DAB1: variants seen among roughly 807,000 people sequenced by gnomAD.
DAB1 encodes disabled homolog 1.
Under a neutral mutation model 64.6 loss-of-function variants are expected in DAB1, and 15 were observed. The ratio of observed to expected loss-of-function variants is 0.23; its 90% confidence interval spans 0.16 to 0.36. The LOEUF is 0.36. Among genes scored for constraint, DAB1 ranks in the 10% least tolerant of loss-of-function variants. DAB1 has a pLI of 1.00. For synonymous variants in DAB1, 235 were observed against 251.9 expected (o/e 0.93, Z 0.64); for missense variants, 596 against 706.7 (o/e 0.84, Z 1.78).
In DAB1 at chr1:57,180,897, G is replaced by C. The variant is rs546004729; in HGVS notation, c.68-35468C>G. 3.3e-5 allele frequency among the ~76,000 whole-genome samples: 5 copies of C among 152,238 alleles called. No homozygotes were observed. The South Asian group carries it at 1.0e-3, about 32-fold the overall frequency. ...GTAACCTTTCTTTTGCTCTTTCATTGGCATGGTCATAGCACTTGGTGCATT... is the reference window on the plus strand; with the variant it reads ...GTAACCTTTCTTTTGCTCTTTCATTCGCATGGTCATAGCACTTGGTGCATT... On this transcript the variant is annotated intron_variant, in intron 2 of 14. Coordinates refer to ENST00000371236, the MANE Select transcript of DAB1 (RefSeq NM_001365792.1).
intron 5 of DAB1, among the ~76,000 whole-genome samples, chr1:58,070,692 G>A (rs1183572337): frequency 6.6e-6 from 1 of 152,216 alleles, no homozygotes; most frequent in Non-Finnish European, 1.5e-5. Context: ...CATGCGAGGA[G>A]TGGCTAGACT....
At chr1:58,189,994 T>C (rs1657299558) in intron 4 of DAB1, among the ~76,000 whole-genome samples, 1 of 152,216 alleles carries the variant, frequency 6.6e-6, no homozygotes, top group African/African-American at 2.4e-5. Flanking sequence ...CTGATACTTC[T>C]TGGGACTTTA....
At chr1:58,489,952 C>A (rs1250034700) in intron 3 of DAB1, among the ~76,000 whole-genome samples, 2 of 152,132 alleles carry the variant, frequency 1.3e-5, no homozygotes, top group African/African-American at 4.8e-5. Flanking sequence ...ACGTCACCAT[C>A]ATCAAAGACC....
chr1:57,843,935 C>A (rs1447071831), intron 1 of DAB1, among the ~76,000 whole-genome samples: 1 of 152,150 alleles, frequency 6.6e-6, no homozygotes, highest in East Asian at 1.9e-4. Context: ...CAGGTTTGAC[C>A]CATTCTGGAA....
At chr1:57,793,000 TG>T (rs1290362691) in intron 6 of DAB1, among the ~76,000 whole-genome samples, 1 of 152,226 alleles carries the variant, frequency 6.6e-6, no homozygotes, top group Admixed American at 6.5e-5. Flanking sequence ...TCTTTTCCTT[TG>T]ATAGACGAAG....
At chr1:57,989,589 C>T (rs993928090) in intron 5 of DAB1, among the ~76,000 whole-genome samples, 7 of 152,136 alleles carry the variant, frequency 4.6e-5, no homozygotes, top group South Asian at 2.1e-4. Context: ...ACACTAGTGA[C>T]GTATATGAAT....
rs141066668 is a variant in DAB1, at chr1:57,524,749, G to A, written n.625+124843C>T. On this transcript the variant is annotated intron_variant and non_coding_transcript_variant, in intron 7 of 20. Transcript: ENST00000485760. ...CAATGGTGGAATGTCATCAGTTAAG[G>A]TTATTTTTACTTCTTTTGTGGATCT... Among the ~76,000 whole-genome samples the A allele has an allele frequency of 1.3e-3, 204 of 152,250 alleles. 1 individual carries two copies. The highest frequency in any genetic ancestry group is 6.8e-3 in the Middle Eastern group (2 of 294).
intron 5 of DAB1, chr1:58,049,334 G>A (rs1647467450): frequency 2.5e-5 from 16 of 634,816 alleles, no homozygotes; most frequent in Non-Finnish European, 4.3e-5. Context: ...TTCTTCGGCG[G>A]CATCCACGGG....
At chr1:58,134,077 T>A (rs945606241) in intron 5 of DAB1, among the ~76,000 whole-genome samples, 2 of 152,202 alleles carry the variant, frequency 1.3e-5, no homozygotes, top group African/African-American at 4.8e-5. Context: ...TCCTTAGTTA[T>A]CAAATAAAGT....
chr1:57,193,837 C>T (rs1283808059), intron 2 of DAB1, among the ~76,000 whole-genome samples: 1 of 141,174 alleles, frequency 7.1e-6, no homozygotes. Context: ...TCACTTAAGC[C>T]AGACTCTGGT....
intron 5 of DAB1, among the ~76,000 whole-genome samples, chr1:57,906,483 T>A (rs1644553248): frequency 6.6e-6 from 1 of 152,034 alleles, no homozygotes; most frequent in Non-Finnish European, 1.5e-5. Context: ...CTCTCTGAGA[T>A]GAAGGTGTGT....
intron 2 of DAB1, among the ~76,000 whole-genome samples, chr1:57,207,888 G>C (rs1013775103): frequency 6.6e-6 from 1 of 152,150 alleles, no homozygotes; most frequent in Non-Finnish European, 1.5e-5. Context: ...TTCAAAACAA[G>C]TTGATGGCTG....
Position 58,164,785 on chromosome 1 carries a change from C to T in DAB1, n.310-14197G>A, listed in dbSNP as rs192141296. 1.4e-4 allele frequency among the ~76,000 whole-genome samples: 21 copies of T among 152,202 alleles called. No individual in the cohort carries two copies. In the Middle Eastern group the frequency reaches 0.01, roughly 74 times the overall value. ...GAGTCCTCAATAATAAGCTATCCCA[C>T]CCTTTATTAAATGCAAGAATCCCCT... On this transcript the variant is annotated intron_variant and non_coding_transcript_variant, in intron 4 of 20. Transcript: ENST00000485760.
At chr1:58,127,693 C>T (rs1254740231) in intron 5 of DAB1, among the ~76,000 whole-genome samples, 3 of 152,104 alleles carry the variant, frequency 2.0e-5, no homozygotes, top group African/African-American at 7.2e-5. Context: ...GCCAGTTTTC[C>T]CAGCACCATT....
intron 1 of DAB1, among the ~76,000 whole-genome samples, chr1:57,342,032 T>C (rs1301073907): frequency 1.3e-5 from 2 of 152,238 alleles, no homozygotes; most frequent in African/African-American, 2.4e-5. Flanking sequence ...CCCTTTGGGA[T>C]AGGTACTATT....
At chr1:58,374,248 C>T (rs1051061496) in intron 3 of DAB1, among the ~76,000 whole-genome samples, 2 of 129,362 alleles carry the variant, frequency 1.5e-5, no homozygotes, top group African/African-American at 5.7e-5. Flanking sequence ...ACATGAAGTC[C>T]TTGCCCATGC....
At chr1:58,274,453 C>A (rs1213059652) in intron 4 of DAB1, among the ~76,000 whole-genome samples, 1 of 140,238 alleles carries the variant, frequency 7.1e-6, no homozygotes, top group Non-Finnish European at 1.5e-5. Context: ...TTACTGCTGT[C>A]TTTTTGTTTG....
chr1:58,487,218 T>A (rs1221862572), intron 3 of DAB1, among the ~76,000 whole-genome samples: 2 of 152,226 alleles, frequency 1.3e-5, no homozygotes, highest in East Asian at 1.9e-4. Context: ...AATGTACTTG[T>A]TAAAGCAGTC....
intron 4 of DAB1, among the ~76,000 whole-genome samples, chr1:58,226,620 C>A (rs953197829): frequency 6.6e-6 from 1 of 152,182 alleles, no homozygotes; most frequent in African/African-American, 2.4e-5. Context: ...AAAATATCAT[C>A]CACCTCCTCA....
Sources: gnomAD v4.1 joint callset for allele counts (sites outside exome capture counted in the v4.1 genomes callset) on GRCh38, gnomAD v4.1.1 for gene constraint, MANE v1.5 for transcripts, NCBI Gene and HGNC (gene_info 2026-07-23, HGNC 2026-07-21) for gene names.